Variants in AUTS2 observed in about 807,000 individuals in gnomAD.
AUTS2 encodes the protein activator of transcription and developmental regulator AUTS2, also known as autism susceptibility gene 2 protein.
Under a neutral mutation model 112.4 loss-of-function variants are expected in AUTS2, and 17 were observed. The ratio of observed to expected loss-of-function variants is 0.15; its 90% CI spans 0.10 to 0.23. The LOEUF (loss-of-function observed/expected upper bound fraction) is 0.23, where lower values mean the gene tolerates loss of function less well. Among genes scored for constraint, AUTS2 ranks in the 10% least tolerant of loss-of-function variants. The pLI is 1.00. For synonymous variants in AUTS2, 751 were observed against 702.7 expected, an observed-to-expected ratio of 1.07 and a Z score of -1.09; for missense variants, 1,510 against 1,701.6, an observed-to-expected ratio of 0.89 and a Z score of 1.98.
intron 1 of AUTS2, among the ~76,000 whole-genome samples, chr7:69,715,666 A>G (rs772163090): frequency 2.0e-4 from 31 of 152,228 alleles, no homozygotes; most frequent in Non-Finnish European, 4.3e-4. Context: ...GTGTTGGGTA[A>G]TGAGAGCAAG....
intron 2 of AUTS2, among the ~76,000 whole-genome samples, chr7:69,980,989 T>C (rs1243156297): frequency 6.6e-6 from 1 of 152,262 alleles, no homozygotes; most frequent in African/African-American, 2.4e-5. Context: ...ATAATTGGAA[T>C]GCAGAATCAT....
intron 5 of AUTS2, among the ~76,000 whole-genome samples, chr7:70,607,390 T>C (rs565139180): frequency 7.9e-5 from 12 of 152,168 alleles, no homozygotes; most frequent in African/African-American, 2.9e-4. Flanking sequence ...CTAGTGGAGG[T>C]GTATGATACA....
intron 1 of AUTS2, among the ~76,000 whole-genome samples, chr7:69,715,034 C>A (rs1798535175): frequency 6.6e-6 from 1 of 151,750 alleles, no homozygotes; most frequent in Non-Finnish European, 1.5e-5. Flanking sequence ...TGGTCGTGTT[C>A]CTGCAGTATC....
Position 70,374,965 on chromosome 7 carries a change from A to T in AUTS2, c.661-60787A>T, listed in dbSNP as rs553973675. ...AGAAAGGCTGCAGTAGCACAGCAGCACTTGGGACAGCTGCTCCAACTCAGG... is the reference window on the plus strand; with the variant it reads ...AGAAAGGCTGCAGTAGCACAGCAGCTCTTGGGACAGCTGCTCCAACTCAGG... On this transcript the variant is annotated intron_variant, in intron 4 of 18. Coordinates refer to ENST00000342771, the MANE Select transcript of AUTS2 (RefSeq NM_015570.4). Among the ~76,000 whole-genome samples the T allele has an allele frequency of 8.5e-5, 13 of 152,288 alleles. No individual in the cohort carries two copies. In the South Asian group the frequency reaches 2.5e-3, roughly 29 times the overall value.
intron 5 of AUTS2, among the ~76,000 whole-genome samples, chr7:70,613,775 G>C (rs1454266582): frequency 1.3e-5 from 2 of 152,204 alleles, no homozygotes; most frequent in Non-Finnish European, 2.9e-5. Flanking sequence ...AAATTAATCA[G>C]AACATGATCC....
intron 2 of AUTS2, among the ~76,000 whole-genome samples, chr7:69,968,332 T>C (rs932636691): frequency 6.6e-6 from 1 of 152,216 alleles, no homozygotes; most frequent in Non-Finnish European, 1.5e-5. Flanking sequence ...CAGGGGATTA[T>C]ATTTTATGAA....
At chr7:70,763,404 A>C in intron 7 of AUTS2, 63 bp downstream of exon 7, 5 of 1,238,974 alleles carry the variant, frequency 4.0e-6, no homozygotes, top group Non-Finnish European at 5.7e-6. Flanking sequence ...GGTGGGTGGG[A>C]GTCGGGGAGG....
At chr7:70,615,785 G>A (rs1216576236) in intron 5 of AUTS2, among the ~76,000 whole-genome samples, 1 of 151,830 alleles carries the variant, frequency 6.6e-6, no homozygotes, top group Non-Finnish European at 1.5e-5. Flanking sequence ...TTGCTCTGTT[G>A]CCCAGGATAG....
chr7:70,282,987 T>TA (rs1788292417), intron 4 of AUTS2, among the ~76,000 whole-genome samples: 1 of 152,240 alleles, frequency 6.6e-6, no homozygotes, highest in Non-Finnish European at 1.5e-5. Flanking sequence ...GCAGCTTCTA[T>TA]ATAGACAGAA....
chr7:70,388,045 A>G (rs1793692026), intron 4 of AUTS2, among the ~76,000 whole-genome samples: 1 of 152,188 alleles, frequency 6.6e-6, no homozygotes, highest in Admixed American at 6.5e-5. Context: ...AGCACTGATC[A>G]TTCTTTCACC....
intron 1 of AUTS2, among the ~76,000 whole-genome samples, chr7:69,831,978 TG>T: frequency 6.6e-6 from 1 of 152,368 alleles, no homozygotes; most frequent in South Asian, 2.1e-4. Flanking sequence ...TTCAGTAAGT[TG>T]GCTTGGCAGC....
chr7:70,384,173 C>T (rs1310802094), intron 4 of AUTS2, among the ~76,000 whole-genome samples: 3 of 152,160 alleles, frequency 2.0e-5, no homozygotes, highest in Non-Finnish European at 4.4e-5. Context: ...TCATGGTTGC[C>T]CGTGTTCCAT....
chr7:70,632,279 T>C (rs6965211), intron 5 of AUTS2, among the ~76,000 whole-genome samples: 65,450 of 151,758 alleles, frequency 0.43, 14,575 homozygotes, highest in East Asian at 0.58. Context: ...GAACAGAAGG[T>C]AGGAAGGAGG....
intron 5 of AUTS2, among the ~76,000 whole-genome samples, chr7:70,505,463 A>AT (rs1798924952): frequency 6.6e-6 from 1 of 152,272 alleles, no homozygotes; most frequent in Non-Finnish European, 1.5e-5. Context: ...GACTTGATGT[A>AT]TTGCTCCCAT....
chr7:69,637,221 T>C (rs1014301828), intron 1 of AUTS2, among the ~76,000 whole-genome samples: 3 of 152,204 alleles, frequency 2.0e-5, no homozygotes, highest in Non-Finnish European at 2.9e-5. Context: ...TAAATCTTTG[T>C]GAAGTCTTAA....
chr7:69,958,194 T>C (rs1797293365), intron 2 of AUTS2, among the ~76,000 whole-genome samples: 1 of 152,148 alleles, frequency 6.6e-6, no homozygotes, highest in African/African-American at 2.4e-5. Flanking sequence ...TGGTATCTTT[T>C]TTTGTAAATC....
chr7:69,893,513 G>A (rs575287457), intron 1 of AUTS2, among the ~76,000 whole-genome samples: 6 of 152,168 alleles, frequency 3.9e-5, no homozygotes, highest in Middle Eastern at 3.2e-3. Context: ...GACAGGCAAA[G>A]CACTTTTTTC....
At position 70,330,639 on chromosome 7, in the gene AUTS2, A is replaced by G. The variant is rs552021195; in HGVS notation, c.661-105113A>G. 6.6e-5 allele frequency among the ~76,000 whole-genome samples: 10 copies of G among 152,302 alleles called. No homozygotes were observed. In the South Asian group the frequency reaches 2.1e-3, roughly 32 times the overall value. On this transcript the variant is annotated intron_variant, in intron 4 of 18. Transcript: ENST00000342771. ...ATTGCAATTCCATACAAATCTGTGGATCAGCTTTTGCATTTCTGCAAAAAG... is the reference window on the plus strand; with the variant it reads ...ATTGCAATTCCATACAAATCTGTGGGTCAGCTTTTGCATTTCTGCAAAAAG...
chr7:70,255,298 T>C (rs1786805132), intron 4 of AUTS2, among the ~76,000 whole-genome samples: 1 of 151,926 alleles, frequency 6.6e-6, no homozygotes, highest in Admixed American at 6.6e-5. Context: ...GGTCTCGAAC[T>C]CCTGACCTCG....
Sources: allele counts gnomAD v4.1 joint callset (sites outside exome capture counted in the v4.1 genomes callset), GRCh38; gene constraint gnomAD v4.1.1; transcripts MANE v1.5; gene names NCBI Gene and HGNC (gene_info 2026-07-23, HGNC 2026-07-21).